The following ST6GAL2 variants were observed in gnomAD, a reference collection of about 807,000 sequenced individuals.
ST6GAL2 encodes the protein ST6 beta-galactoside alpha-2,6-sialyltransferase 2.
Under a neutral mutation model 37.5 loss-of-function variants are expected in ST6GAL2, and 24 were observed. The observed-to-expected ratio is 0.64, with a 90% CI of 0.46 to 0.90. The LOEUF (loss-of-function observed/expected upper bound fraction) is 0.90, where lower values mean the gene tolerates loss of function less well. ST6GAL2 is among the 40% of genes least tolerant of loss of function. ST6GAL2 has a pLI of 0.00. For missense variants in ST6GAL2, 715 were observed against 712.7 expected (o/e 1.00, Z -0.04); for synonymous variants, 306 against 295.1 (o/e 1.04, Z -0.38).
In ST6GAL2 at chr2:106,802,242, A is replaced by G. The variant is rs1012056768; in HGVS notation, c.*4436T>C. ...CTTCTCTCAAAATATTAGTGGTTAC[A>G]TAATTAAAATAAAATTTATTGTAAA... On this transcript the variant is annotated 3_prime_UTR_variant, in exon 6 of 6. Transcript: ENST00000409382. 4 of 152,206 alleles carry G rather than the reference A, an allele frequency of 2.6e-5. No individual in the cohort carries two copies. Among genetic ancestry groups the G allele is most frequent in the Admixed American group, 6.5e-5 (1 of 15,278 alleles). 9.4% of individuals were successfully genotyped at this position (152,206 alleles called of 1,614,324 possible).
rs201536291 is a variant in ST6GAL2, at chr2:106,825,597, C to CTAAA, written c.1318+4465_1318+4468dup. 1.6e-4 allele frequency among the ~76,000 whole-genome samples: 25 copies of CTAAA among 152,342 alleles called. No individual in the cohort carries two copies. In the East Asian group the frequency reaches 4.8e-3, roughly 29 times the overall value. ...ATGCTAAATTTTGAAAAACATTGAG[C>CTAAA]TAAAACATTCATTCATTCACCAAGT... On this transcript the variant is annotated intron_variant, in intron 5 of 5. Transcript: ENST00000409382.
intron 1 of ST6GAL2, among the ~76,000 whole-genome samples, chr2:106,854,712 A>C (rs1345752169): frequency 6.6e-6 from 1 of 152,164 alleles, no homozygotes; most frequent in Non-Finnish European, 1.5e-5. Context: ...GCTAATAAGC[A>C]CAGAATAAGG....
At chr2:106,834,506 T>C (rs1676553742) in intron 2 of ST6GAL2, 2 of 168,364 alleles carry the variant, frequency 1.2e-5, no homozygotes, top group African/African-American at 4.8e-5. Context: ...CTGGAGCAGA[T>C]AAAGACACTA....
intron 1 of ST6GAL2, among the ~76,000 whole-genome samples, chr2:106,871,230 T>C (rs151142418): frequency 3.9e-5 from 6 of 152,314 alleles, no homozygotes; most frequent in African/African-American, 1.4e-4. Flanking sequence ...GATTTAAAAA[T>C]GGTACAGCTG....
At chr2:106,838,660 G>A (rs1044098445) in intron 2 of ST6GAL2, among the ~76,000 whole-genome samples, 5 of 152,196 alleles carry the variant, frequency 3.3e-5, no homozygotes, top group African/African-American at 7.2e-5. Flanking sequence ...GTGACTGGAG[G>A]TACCTTCATT....
chr2:106,870,125 C>T (rs1016694844), intron 1 of ST6GAL2, among the ~76,000 whole-genome samples: 5 of 152,052 alleles, frequency 3.3e-5, no homozygotes, highest in Admixed American at 1.3e-4. Context: ...CAGTCTGCTG[C>T]TTTTTGCACA....
At chr2:106,837,225 T>G (rs1433064102) in intron 2 of ST6GAL2, among the ~76,000 whole-genome samples, 1 of 152,190 alleles carries the variant, frequency 6.6e-6, no homozygotes, top group Non-Finnish European at 1.5e-5. Context: ...ACAGTGCAAT[T>G]ACCCAAGGGC....
At position 106,860,946 on chromosome 2, in the gene ST6GAL2, A is replaced by G. The variant is rs184159010; in HGVS notation, c.-57-16912T>C. Reference sequence around the variant, plus strand: ...AGTTATACCCTCCCTGCTTTGATTGACTGCACAAAACTTTTGCTGCCTTCA... The same window carrying G: ...AGTTATACCCTCCCTGCTTTGATTGGCTGCACAAAACTTTTGCTGCCTTCA... On this transcript the variant is annotated intron_variant, in intron 1 of 5. Coordinates refer to ENST00000409382, the MANE Select transcript of ST6GAL2 (RefSeq NM_001142351.2). 1.9e-3 allele frequency among the ~76,000 whole-genome samples: 288 copies of G among 152,200 alleles called. 4 individuals carry two copies. In the East Asian group the frequency reaches 0.051, roughly 27 times the overall value.
chr2:106,815,639 T>G (rs759303958), intron 5 of ST6GAL2, among the ~76,000 whole-genome samples: 17 of 152,238 alleles, frequency 1.1e-4, no homozygotes, highest in Non-Finnish European at 2.4e-4. Context: ...CATTAGTTAT[T>G]GTGTTTAGGC....
intron 1 of ST6GAL2, among the ~76,000 whole-genome samples, chr2:106,878,752 T>C (rs1183934929): frequency 1.3e-5 from 2 of 152,128 alleles, no homozygotes; most frequent in African/African-American, 2.4e-5. Flanking sequence ...TATCAGGGAC[T>C]TGAGCATCCA....
chr2:106,812,258 T>C (rs1675639754), intron 5 of ST6GAL2, among the ~76,000 whole-genome samples: 1 of 152,232 alleles, frequency 6.6e-6, no homozygotes, highest in Admixed American at 6.5e-5. Context: ...GCCTGCTCTC[T>C]AACGTCTCAC....
chr2:106,854,409 A>G (rs186790599), intron 1 of ST6GAL2, among the ~76,000 whole-genome samples: 1 of 152,230 alleles, frequency 6.6e-6, no homozygotes, highest in African/African-American at 2.4e-5. Context: ...AAGAGAGCAC[A>G]ATATTTTTCA....
At chr2:106,858,029 C>A (rs1573289567) in intron 1 of ST6GAL2, among the ~76,000 whole-genome samples, 1 of 152,272 alleles carries the variant, frequency 6.6e-6, no homozygotes, top group African/African-American at 2.4e-5. Context: ...GCTGTCACAT[C>A]TTCTTCTTAA....
intron 5 of ST6GAL2, among the ~76,000 whole-genome samples, chr2:106,809,728 C>T (rs1413921484): frequency 6.6e-6 from 1 of 152,162 alleles, no homozygotes; most frequent in African/African-American, 2.4e-5. Flanking sequence ...AGGTGAAAGG[C>T]CAGTTAGAGA....
At chr2:106,827,275 T>A (rs1676244718) in intron 5 of ST6GAL2, among the ~76,000 whole-genome samples, 1 of 152,216 alleles carries the variant, frequency 6.6e-6, no homozygotes, top group African/African-American at 2.4e-5. Context: ...TACTGCTATT[T>A]AAGGATGTTG....
intron 1 of ST6GAL2, among the ~76,000 whole-genome samples, chr2:106,864,403 T>G (rs1417628231): frequency 6.6e-6 from 1 of 152,202 alleles, no homozygotes; most frequent in Non-Finnish European, 1.5e-5. Flanking sequence ...CACATTTTAC[T>G]TTCAGCGTGT....
rs572915946 is a variant in ST6GAL2 at position 106,805,022 on chromosome 2, C to T, written c.*1656G>A. On this transcript the variant is annotated 3_prime_UTR_variant, in exon 6 of 6. Transcript: ENST00000409382. ...TTGTGATTAAAACTTTCCAATTTCT[C>T]CTTCACTATTATAGCAAGCTATAGG... is the stretch of plus-strand genomic sequence containing the variant. 2.6e-5 allele frequency: 4 copies of T among 152,188 alleles called. No individual in the cohort carries two copies. The highest frequency in any genetic ancestry group is 9.6e-5 in the African/African-American group (4 of 41,524). 9.4% of individuals were successfully genotyped at this position (152,188 alleles called of 1,614,324 possible).
At chr2:106,844,740 G>A (rs1677076719) in intron 1 of ST6GAL2, among the ~76,000 whole-genome samples, 1 of 152,158 alleles carries the variant, frequency 6.6e-6, no homozygotes, top group South Asian at 2.1e-4. Context: ...GAGATAAGAG[G>A]GAAGTACATT....
intron 1 of ST6GAL2, among the ~76,000 whole-genome samples, chr2:106,856,279 T>C (rs1677571643): frequency 1.3e-5 from 2 of 152,204 alleles, no homozygotes; most frequent in Non-Finnish European, 1.5e-5. Flanking sequence ...CCTCTTTCCA[T>C]GTTGAGGGAC....
Sources: gnomAD v4.1 joint callset for allele counts (sites outside exome capture counted in the v4.1 genomes callset) on GRCh38, gnomAD v4.1.1 for gene constraint, MANE v1.5 for transcripts, NCBI Gene and HGNC (gene_info 2026-07-23, HGNC 2026-07-21) for gene names.